Variants in MLIP observed in about 807,000 individuals in gnomAD.
MLIP encodes the protein muscular LMNA-interacting protein.
A neutral mutation model predicts 84.8 loss-of-function variants in MLIP; 79 were observed. The ratio of observed to expected loss-of-function variants is 0.93; its 90% CI spans 0.78 to 1.12. The LOEUF is 1.12. Among genes scored for constraint, MLIP ranks in the 50% most tolerant of loss-of-function variants. The probability of loss-of-function intolerance (pLI) is 0.00; values close to 1 mark genes in which losing one functional copy is unlikely to be tolerated. For missense variants in MLIP, 1,257 were observed against 1,160.6 expected (o/e 1.08, Z -1.21); for synonymous variants, 504 against 463.0 (o/e 1.09, Z -1.14).
At chr6:54,074,798 G>A (rs1191690411) in intron 1 of MLIP, among the ~76,000 whole-genome samples, 2 of 152,172 alleles carry the variant, frequency 1.3e-5, no homozygotes, top group Non-Finnish European at 2.9e-5. Context: ...AAAATATGGA[G>A]CCTGCATGTC....
chr6:54,100,630 G>T (rs1053820227), intron 1 of MLIP, among the ~76,000 whole-genome samples: 1 of 152,074 alleles, frequency 6.6e-6, no homozygotes, highest in Non-Finnish European at 1.5e-5. Context: ...AAAATGCTTT[G>T]TCCTTTATCT....
intron 1 of MLIP, among the ~76,000 whole-genome samples, chr6:54,052,695 A>G (rs374873515): frequency 2.0e-5 from 3 of 152,176 alleles, no homozygotes; most frequent in African/African-American, 7.2e-5. Context: ...GAGATAAATT[A>G]TAAGGAAAAA....
At chr6:54,187,772 C>T (rs1029998382) in intron 9 of MLIP, among the ~76,000 whole-genome samples, 1 of 152,092 alleles carries the variant, frequency 6.6e-6, no homozygotes, top group African/African-American at 2.4e-5. Context: ...GTGATTTCAT[C>T]ATTATGTGAG....
intron 1 of MLIP, among the ~76,000 whole-genome samples, chr6:54,037,197 T>A (rs1764494466): frequency 6.6e-6 from 1 of 152,006 alleles, no homozygotes; most frequent in South Asian, 2.1e-4. Flanking sequence ...TGTGAAGGAT[T>A]GGTGACAATG....
chr6:54,259,534 G>A (rs138056883), intron 13 of MLIP, among the ~76,000 whole-genome samples: 2 of 151,972 alleles, frequency 1.3e-5, no homozygotes, highest in African/African-American at 2.4e-5. Context: ...AAAAGACTTT[G>A]TGAGCCAAAG....
intron 1 of MLIP, among the ~76,000 whole-genome samples, chr6:54,114,761 C>G (rs760087688): frequency 6.6e-6 from 1 of 152,108 alleles, no homozygotes; most frequent in African/African-American, 2.4e-5. Flanking sequence ...GGCACCAACC[C>G]CTAGAATAGT....
chr6:54,190,095 A>G (rs966889661), intron 10 of MLIP, among the ~76,000 whole-genome samples, 181 bp downstream of exon 10: 1 of 152,220 alleles, frequency 6.6e-6, no homozygotes, highest in African/African-American at 2.4e-5. Flanking sequence ...GGTGACAAAC[A>G]TACGTAAAAC....
At chr6:54,193,160 T>A (rs1778063403) in intron 10 of MLIP, among the ~76,000 whole-genome samples, 1 of 152,160 alleles carries the variant, frequency 6.6e-6, no homozygotes. Context: ...GTTTTGGAGG[T>A]TCATGTGAAG....
intron 1 of MLIP, chr6:54,019,135 A>G (rs961266452): frequency 1.3e-6 from 2 of 1,597,712 alleles, no homozygotes; most frequent in South Asian, 2.2e-5. Context: ...AATGAAATTG[A>G]CAGGGTAGTA....
chr6:54,019,141 T>A, intron 1 of MLIP: 1 of 1,578,328 alleles, frequency 6.3e-7, no homozygotes, highest in Non-Finnish European at 8.7e-7. Context: ...ATTGACAGGG[T>A]AGTAGAGCAA....
chr6:54,063,580 A>G (rs1203328719), intron 1 of MLIP, among the ~76,000 whole-genome samples: 1 of 152,214 alleles, frequency 6.6e-6, no homozygotes, highest in Non-Finnish European at 1.5e-5. Context: ...TAAACAATTT[A>G]AAACATTTGG....
In MLIP at chr6:54,124,831, T is replaced by C. The variant is rs1299657123; in HGVS notation, c.611T>C (p.Leu204Pro). ...DLKTSSHPEM[L>P]HGMAPQQKHG... ...AAGACCTCATCACATCCTGAAATGC[T>C]TCATGGGATGGCCCCTCAGCAAAAG... The change falls in exon 3 of 14, where the codon CTT (leucine) becomes CCT (proline). Residue 204 changes from leucine (L) to proline (P), a missense_variant. By Grantham distance (98) the Leu-to-Pro change is moderately conservative. Transcript: ENST00000502396. The C allele has an allele frequency of 4.4e-6, 7 of 1,606,566 alleles. No homozygotes were observed. The highest frequency in any genetic ancestry group is 1.1e-5 in the South Asian group (1 of 89,668).
chr6:54,257,399 T>A (rs1482106949), intron 13 of MLIP, 38 bp downstream of exon 13: 1 of 1,423,780 alleles, frequency 7.0e-7, no homozygotes, highest in South Asian at 1.2e-5. Flanking sequence ...AATTATCCAT[T>A]TCTGTGTGAT....
At chr6:54,214,731 A>G (rs921238060) in intron 11 of MLIP, among the ~76,000 whole-genome samples, 3 of 152,252 alleles carry the variant, frequency 2.0e-5, no homozygotes, top group Admixed American at 6.5e-5. Context: ...ATTTTAATCC[A>G]GAAACATGAG....
At chr6:54,132,307 G>T (rs971985801) in intron 3 of MLIP, among the ~76,000 whole-genome samples, 5 of 152,110 alleles carry the variant, frequency 3.3e-5, no homozygotes, top group African/African-American at 1.2e-4. Flanking sequence ...TAGGATCAGG[G>T]AGCTAGGAAA....
Position 54,239,370 on chromosome 6 carries a change from A to ATATATATATTATATATATATTT in MLIP, c.2922+8462_2922+8463insTATATATATATTTTATATATAT, listed in dbSNP as rs562834906. Among the ~76,000 whole-genome samples the ATATATATATTATATATATATTT allele has an allele frequency of 6.6e-3, 934 of 142,530 alleles. 19 individuals are homozygous for ATATATATATTATATATATATTT. Among genetic ancestry groups the ATATATATATTATATATATATTT allele is most frequent in the African/African-American group, 0.025 (899 of 36,498 alleles). 93.5% of individuals were successfully genotyped at this position (142,530 alleles called of 152,430 possible). ...GGCCATTTAAACATATATATATAAT[A>ATATATATATTATATATATATTT]TATATATATATAATATATATATACA... is the stretch of plus-strand genomic sequence containing the variant. On this transcript the variant is annotated intron_variant, in intron 12 of 13. Coordinates refer to ENST00000502396, the MANE Select transcript of MLIP (RefSeq NM_001281747.2).
chr6:54,160,270 G>A, intron 5 of MLIP, 97 bp from the exon 6 acceptor site: 1 of 905,200 alleles, frequency 1.1e-6, no homozygotes, highest in Non-Finnish European at 1.7e-6. Flanking sequence ...TTTTTTTCTT[G>A]GAATATTAAT....
At chr6:54,083,984 A>AT (rs1315241508) in intron 1 of MLIP, among the ~76,000 whole-genome samples, 1 of 152,192 alleles carries the variant, frequency 6.6e-6, no homozygotes, top group Non-Finnish European at 1.5e-5. Flanking sequence ...TTTAAAAATA[A>AT]TTTTAAGTAG....
At chr6:54,202,757 G>T (rs755925855) in intron 11 of MLIP, among the ~76,000 whole-genome samples, 12 of 152,122 alleles carry the variant, frequency 7.9e-5, no homozygotes, top group Non-Finnish European at 1.8e-4. Flanking sequence ...ATATAGCTGG[G>T]TATGGTGGCG....
Sources: allele counts gnomAD v4.1 joint callset (sites outside exome capture counted in the v4.1 genomes callset), GRCh38; gene constraint gnomAD v4.1.1; transcripts MANE v1.5; gene names NCBI Gene and HGNC (gene_info 2026-07-23, HGNC 2026-07-21).